Variants in ADAD1 observed in about 807,000 individuals in gnomAD.
ADAD1 encodes adenosine deaminase domain-containing protein 1.
ADAD1 carries 46 observed loss-of-function variants against 66.8 expected under a neutral mutation model. That is an observed-to-expected ratio of 0.69 (90% CI 0.54 to 0.88). The LOEUF (loss-of-function observed/expected upper bound fraction) is 0.88. ADAD1 is among the 40% of genes least tolerant of loss of function. The pLI, the probability that ADAD1 is intolerant of heterozygous loss-of-function variation, is 0.00. For synonymous variants in ADAD1, 248 were observed against 229.4 expected, an observed-to-expected ratio of 1.08 and a Z score of -0.73; for missense variants, 617 against 681.8, an observed-to-expected ratio of 0.91 and a Z score of 1.06.
At chr4:122,387,013 A>T (rs1350753326) in intron 5 of ADAD1, among the ~76,000 whole-genome samples, 2 of 152,214 alleles carry the variant, frequency 1.3e-5, no homozygotes, top group Non-Finnish European at 2.9e-5. Flanking sequence ...TGTCTTGGCT[A>T]TATGGGGTCT....
At chr4:122,384,302 A>G (rs1795053497) in intron 5 of ADAD1, among the ~76,000 whole-genome samples, 1 of 152,212 alleles carries the variant, frequency 6.6e-6, no homozygotes, top group Non-Finnish European at 1.5e-5. Context: ...TAGAGGTTTT[A>G]AATGCAGCGT....
At chr4:122,429,292 G>A (rs28488487) in intron 12 of ADAD1, among the ~76,000 whole-genome samples, 12,930 of 151,990 alleles carry the variant, frequency 0.085, 1,867 homozygotes, top group African/African-American at 0.29. Flanking sequence ...AAAAATAGCA[G>A]GGCATGGTGG....
chr4:122,384,862 A>T (rs1317452319), intron 5 of ADAD1, among the ~76,000 whole-genome samples: 1 of 152,194 alleles, frequency 6.6e-6, no homozygotes, highest in Non-Finnish European at 1.5e-5. Flanking sequence ...CTAAGGCAGC[A>T]TTTACCCATG....
intron 11 of ADAD1, among the ~76,000 whole-genome samples, chr4:122,418,602 G>A (rs867272030): frequency 6.6e-6 from 1 of 152,058 alleles, no homozygotes; most frequent in Non-Finnish European, 1.5e-5. Flanking sequence ...GATTACAGGC[G>A]TGAGCCACCA....
At chr4:122,383,068 A>C (rs192708557) in intron 4 of ADAD1, among the ~76,000 whole-genome samples, 1 of 152,336 alleles carries the variant, frequency 6.6e-6, no homozygotes, top group Non-Finnish European at 1.5e-5. Flanking sequence ...CAAAACCTCA[A>C]ACAGAAGAAT....
At chr4:122,399,893 G>T (rs1319514963) in intron 7 of ADAD1, among the ~76,000 whole-genome samples, 1 of 151,834 alleles carries the variant, frequency 6.6e-6, no homozygotes, top group Non-Finnish European at 1.5e-5. Flanking sequence ...ATATCTGGGA[G>T]GTTTTTGGAT....
At chr4:122,401,342 C>G (rs1795968691) in intron 7 of ADAD1, among the ~76,000 whole-genome samples, 1 of 152,068 alleles carries the variant, frequency 6.6e-6, no homozygotes, top group East Asian at 1.9e-4. Context: ...AAATTTATTC[C>G]ACTGTAGTCT....
chr4:122,422,539 T>C (rs1797049499), intron 12 of ADAD1, among the ~76,000 whole-genome samples: 1 of 152,202 alleles, frequency 6.6e-6, no homozygotes, highest in Non-Finnish European at 1.5e-5. Context: ...TTACCAATTT[T>C]ACCAACTTAA....
At chr4:122,410,945 AG>A in intron 8 of ADAD1, among the ~76,000 whole-genome samples, 1 of 152,300 alleles carries the variant, frequency 6.6e-6, no homozygotes, top group Middle Eastern at 3.4e-3. Flanking sequence ...CTTTTGGAGA[AG>A]ATGATAGTTG....
At chr4:122,395,845 A>G (rs1580757417) in intron 6 of ADAD1, among the ~76,000 whole-genome samples, 2 of 152,300 alleles carry the variant, frequency 1.3e-5, no homozygotes, top group African/African-American at 4.8e-5. Context: ...GCGGTTCTCA[A>G]TGGGACAAAT....
intron 3 of ADAD1, among the ~76,000 whole-genome samples, 182 bp from the exon 4 acceptor site, chr4:122,380,810 C>T (rs1275538351): frequency 6.6e-6 from 1 of 152,060 alleles, no homozygotes; most frequent in Non-Finnish European, 1.5e-5. Context: ...TCTTAGTACT[C>T]GATAGATGCA....
intron 8 of ADAD1, 80 bp from the exon 9 acceptor site, chr4:122,411,142 G>T: frequency 1.8e-6 from 2 of 1,135,946 alleles, no homozygotes; most frequent in Middle Eastern, 3.1e-4. Flanking sequence ...CATTGCTTCT[G>T]ACACATGTGG....
intron 11 of ADAD1, among the ~76,000 whole-genome samples, chr4:122,419,144 A>G (rs1206814607): frequency 6.6e-6 from 1 of 152,222 alleles, no homozygotes; most frequent in African/African-American, 2.4e-5. Flanking sequence ...TCCATCAATG[A>G]TGGACTGGAT....
intron 8 of ADAD1, among the ~76,000 whole-genome samples, chr4:122,408,610 C>T (rs1796329437): frequency 6.6e-6 from 1 of 152,106 alleles, no homozygotes; most frequent in African/African-American, 2.4e-5. Context: ...ATCAGCTGGG[C>T]ATAGTAGCTC....
chr4:122,383,493 T>A (rs1386234065), intron 4 of ADAD1, among the ~76,000 whole-genome samples: 1 of 152,182 alleles, frequency 6.6e-6, no homozygotes, highest in Non-Finnish European at 1.5e-5. Context: ...AGTGGAGTGT[T>A]TACCATTGCC....
chr4:122,411,938 A>G (rs1429709603), intron 9 of ADAD1, among the ~76,000 whole-genome samples: 1 of 152,168 alleles, frequency 6.6e-6, no homozygotes, highest in Admixed American at 6.5e-5. Context: ...CTACTCACAT[A>G]CAAATACGAG....
At chr4:122,380,884 A>G in intron 3 of ADAD1, 108 bp from the exon 4 acceptor site, 2 of 994,218 alleles carry the variant, frequency 2.0e-6, no homozygotes, top group Non-Finnish European at 2.9e-6. Flanking sequence ...AAAACATATG[A>G]TGAAGTGTAT....
At chr4:122,402,698 C>G (rs1037353155) in intron 7 of ADAD1, among the ~76,000 whole-genome samples, 1 of 151,652 alleles carries the variant, frequency 6.6e-6, no homozygotes, top group African/African-American at 2.4e-5. Flanking sequence ...TTTTTATATT[C>G]TGTTTTCTTT....
At chr4:122,418,859 A>G (rs1580803353) in intron 11 of ADAD1, among the ~76,000 whole-genome samples, 1 of 152,184 alleles carries the variant, frequency 6.6e-6, no homozygotes, top group African/African-American at 2.4e-5. Flanking sequence ...CAGAATGGCT[A>G]TTATCAAAAA....
Sources: gnomAD v4.1 joint callset for allele counts (sites outside exome capture counted in the v4.1 genomes callset) on GRCh38, gnomAD v4.1.1 for gene constraint, MANE v1.5 for transcripts, NCBI Gene and HGNC (gene_info 2026-07-23, HGNC 2026-07-21) for gene names.